NOS2: variants seen among roughly 807,000 people sequenced by gnomAD.
NOS2 encodes the protein nitric oxide synthase, inducible.
A neutral mutation model predicts 136.0 loss-of-function variants in NOS2; 96 were observed. The observed-to-expected ratio is 0.71, with a 90% CI of 0.60 to 0.84. The LOEUF (loss-of-function observed/expected upper bound fraction) is 0.84, where lower values mean the gene tolerates loss of function less well. Among genes scored for constraint, NOS2 ranks in the 40% least tolerant of loss-of-function variants. The pLI is 0.00. For synonymous variants in NOS2, 539 were observed against 587.5 expected, an observed-to-expected ratio of 0.92 and a Z score of 1.20; for missense variants, 1,237 against 1,496.9, an observed-to-expected ratio of 0.83 and a Z score of 2.87.
At chr17:27,762,703 C>T (rs1908169402) in intron 22 of NOS2, 95 bp downstream of exon 22, 28 of 913,220 alleles carry the variant, frequency 3.1e-5, no homozygotes, top group Admixed American at 5.2e-5. Flanking sequence ...TTCCCTCCCT[C>T]CTTGAACTGA....
intron 24 of NOS2, among the ~76,000 whole-genome samples, 157 bp downstream of exon 24, chr17:27,760,466 G>A (rs1908081714): frequency 1.3e-5 from 2 of 152,244 alleles, no homozygotes; most frequent in South Asian, 4.1e-4. Context: ...GAGACGGAAA[G>A]GCAGCCATTC....
At position 27,757,125 on chromosome 17, in the gene NOS2, A is replaced by G. The variant is rs201443582; in HGVS notation, c.*121T>C. On this transcript the variant is annotated 3_prime_UTR_variant, in exon 27 of 27. Transcript: ENST00000313735. ...GATGGGGAGCAACGTTGAGGAAATA[A>G]GACTTGAGGCTGGGGGATATCACTT... The G allele has an allele frequency of 2.8e-5, 20 of 715,970 alleles. No homozygotes were observed. Among genetic ancestry groups the G allele is most frequent in the Admixed American group, 8.9e-5 (3 of 33,780 alleles). 44.4% of individuals were successfully genotyped at this position (715,970 alleles called of 1,614,324 possible).
chr17:27,765,504 G>A, intron 20 of NOS2, 31 bp downstream of exon 20: 3 of 1,555,864 alleles, frequency 1.9e-6, no homozygotes, highest in Non-Finnish European at 2.6e-6. Flanking sequence ...GAGGGTGCCA[G>A]GCAGCACTGG....
intron 5 of NOS2, among the ~76,000 whole-genome samples, chr17:27,785,832 A>G (rs1950799444): frequency 6.6e-6 from 1 of 151,806 alleles, no homozygotes; most frequent in African/African-American, 2.4e-5. Context: ...AGTGGTGCAC[A>G]CCTGTGGTCC....
Position 27,765,398 on chromosome 17 carries a change from A to G in NOS2, c.2428+137T>C, listed in dbSNP as rs533632804. On this transcript the variant is annotated intron_variant, in intron 20 of 26. Coordinates refer to ENST00000313735, the MANE Select transcript of NOS2 (RefSeq NM_000625.4). ...TGGGACTGTTTCCACAGCTGCTTTC[A>G]CATAAGCTTTGGTGGCCCGCCCTCT... 16 of 760,292 alleles carry G rather than the reference A, an allele frequency of 2.1e-5. 1 individual carries two copies. The highest frequency in any genetic ancestry group is 7.9e-4 in the Middle Eastern group (2 of 2,524). 47.1% of individuals were successfully genotyped at this position (760,292 alleles called of 1,614,324 possible).
rs1567632590 is a variant in NOS2, at chr17:27,761,089, C to T, written c.2888+55G>A. Reference sequence around the variant, plus strand: ...AACCCCAGATCCCTCCCTTTCCTCCCGGAACTCCCAGGGGTCGGCGGCCCC... The same window carrying T: ...AACCCCAGATCCCTCCCTTTCCTCCTGGAACTCCCAGGGGTCGGCGGCCCC... On this transcript the variant is annotated intron_variant, in intron 23 of 26. Coordinates refer to ENST00000313735, the MANE Select transcript of NOS2 (RefSeq NM_000625.4). 9 of 1,452,666 alleles carry T rather than the reference C, an allele frequency of 6.2e-6. No homozygotes were observed. In the Admixed American group the frequency reaches 1.2e-4, roughly 20 times the overall value. The allele number at this position is 1,452,666 out of a possible 1,614,324, so 90.0% of individuals were successfully genotyped here. A position where few individuals can be genotyped will look rare whatever the true frequency, so the allele number is the denominator to read the frequency against.
chr17:27,757,471 C>T, intron 26 of NOS2, 118 bp from the exon 27 acceptor site: 1 of 801,226 alleles, frequency 1.2e-6, no homozygotes. Flanking sequence ...AACTGTTATA[C>T]TTAGATTGTG....
At chr17:27,771,755 G>A (rs7217335) in intron 14 of NOS2, among the ~76,000 whole-genome samples, 25,545 of 152,208 alleles carry the variant, frequency 0.17, 2,265 homozygotes, top group Middle Eastern at 0.24. Context: ...TGCTTTGCAG[G>A]GCGCTGGGAG....
rs773527134 is a variant in NOS2 at position 27,789,628 on chromosome 17, C to G, written c.171G>C (p.Pro57=). ...CCTTTCCCGTCTCCACGAGGGGCTG[C>G]GGGGACTCATTCTGCTGCTTGCTGA... ...HNLSKQQNES[P]QPLVETGKKS... Residue 57 remains proline (P), a synonymous_variant, in exon 3 of 27, where the codon CCG becomes CCC. Coordinates refer to ENST00000313735, the MANE Select transcript of NOS2 (RefSeq NM_000625.4). The G allele has an allele frequency of 1.2e-6, 2 of 1,613,736 alleles. No homozygotes were observed. Among genetic ancestry groups the G allele is most frequent in the Non-Finnish European group, 1.7e-6 (2 of 1,179,748 alleles).
intron 5 of NOS2, among the ~76,000 whole-genome samples, chr17:27,783,940 A>G (rs1908933040): frequency 6.6e-6 from 1 of 152,196 alleles, no homozygotes; most frequent in South Asian, 2.1e-4. Flanking sequence ...ATCGGAGCTC[A>G]GTCTGCAGGG....
chr17:27,783,180 GC>G (rs1296218163), intron 5 of NOS2, 74 bp from the exon 6 acceptor site: 67 of 1,514,860 alleles, frequency 4.4e-5, no homozygotes, highest in Non-Finnish European at 5.5e-5. Flanking sequence ...ATCCACAGAA[GC>G]AGGAACTGAA....
At chr17:27,775,092 G>A (rs1908619022) in intron 11 of NOS2, among the ~76,000 whole-genome samples, 1 of 152,206 alleles carries the variant, frequency 6.6e-6, no homozygotes, top group South Asian at 2.1e-4. Flanking sequence ...TTCAAACTCT[G>A]GCTTTTTATT....
intron 5 of NOS2, among the ~76,000 whole-genome samples, chr17:27,785,483 C>T (rs1297755048): frequency 6.6e-6 from 1 of 152,158 alleles, no homozygotes; most frequent in East Asian, 1.9e-4. Context: ...ACATGTCTGC[C>T]TCATCCCCAT....
rs1437012709 is a variant in NOS2, at chr17:27,772,206, C to T, written c.1704+102G>A. On this transcript the variant is annotated intron_variant, in intron 14 of 26. Coordinates refer to ENST00000313735, the MANE Select transcript of NOS2 (RefSeq NM_000625.4). ...GATTAATGATGCACATTACCACATC[C>T]AAGACTCTGAGACATCCAGGAGTGG... 8 of 1,327,722 alleles carry T rather than the reference C, an allele frequency of 6.0e-6. No individual in the cohort carries two copies. In the Admixed American group the frequency reaches 7.8e-5, roughly 13 times the overall value. 82.2% of individuals were successfully genotyped at this position (1,327,722 alleles called of 1,614,324 possible).
chr17:27,780,517 G>C (rs559260259), intron 9 of NOS2, among the ~76,000 whole-genome samples: 1 of 152,282 alleles, frequency 6.6e-6, no homozygotes, highest in East Asian at 1.9e-4. Flanking sequence ...AGCTCCTGGG[G>C]CCCCATCCGC....
chr17:27,789,735 G>A, intron 2 of NOS2, 47 bp from the exon 3 acceptor site: 2 of 1,379,934 alleles, frequency 1.4e-6, no homozygotes, highest in East Asian at 2.3e-5. Context: ...CAAGGGTGGA[G>A]GGGCATCTTG....
At chr17:27,763,373 A>T (rs1339108375) in intron 21 of NOS2, among the ~76,000 whole-genome samples, 1 of 152,234 alleles carries the variant, frequency 6.6e-6, no homozygotes, top group East Asian at 1.9e-4. Flanking sequence ...TGAAACAAGG[A>T]CAGTATTGCC....
intron 12 of NOS2, 48 bp downstream of exon 12, chr17:27,774,209 C>T (rs1908590013): frequency 3.7e-6 from 5 of 1,348,640 alleles, no homozygotes; most frequent in Non-Finnish European, 4.9e-6. Context: ...CACACACATA[C>T]AGCCACATCT....
chr17:27,791,495 G>A (rs3794765), intron 2 of NOS2, among the ~76,000 whole-genome samples: 27,471 of 152,014 alleles, frequency 0.18, 3,359 homozygotes, highest in Non-Finnish European at 0.28. Context: ...ATCCTGTTAG[G>A]TTGGGTGAGG....
Sources: allele counts gnomAD v4.1 joint callset (sites outside exome capture counted in the v4.1 genomes callset), GRCh38; gene constraint gnomAD v4.1.1; transcripts MANE v1.5; gene names NCBI Gene and HGNC (gene_info 2026-07-23, HGNC 2026-07-21).